Variants in DLG2 observed in about 807,000 individuals in gnomAD.
DLG2 encodes discs large MAGUK scaffold protein 2.
A neutral mutation model predicts 132.5 loss-of-function variants in DLG2; 45 were observed. The observed-to-expected ratio is 0.34, with a 90% CI of 0.27 to 0.44. The LOEUF (loss-of-function observed/expected upper bound fraction) is 0.44, where lower values mean the gene tolerates loss of function less well. Among genes scored for constraint, DLG2 ranks in the 20% least tolerant of loss-of-function variants. DLG2 has a pLI of 1.00. For missense variants in DLG2, 1,045 were observed against 1,196.9 expected, an observed-to-expected ratio of 0.87 and a Z score of 1.87; for synonymous variants, 424 against 419.6, an observed-to-expected ratio of 1.01 and a Z score of -0.13.
At chr11:83,736,463 C>T (rs1172231743) in intron 18 of DLG2, among the ~76,000 whole-genome samples, 2 of 152,026 alleles carry the variant, frequency 1.3e-5, no homozygotes, top group Admixed American at 1.3e-4. Flanking sequence ...GAGAAAGATA[C>T]AGAGATTCTG....
intron 14 of DLG2, among the ~76,000 whole-genome samples, chr11:83,953,046 T>C (rs1386775458): frequency 1.3e-5 from 2 of 152,194 alleles, no homozygotes; most frequent in East Asian, 1.9e-4. Context: ...TACACAGTTA[T>C]AGTTTGCCCC....
intron 14 of DLG2, among the ~76,000 whole-genome samples, chr11:83,953,142 T>C (rs2085898800): frequency 6.6e-6 from 1 of 152,216 alleles, no homozygotes; most frequent in Non-Finnish European, 1.5e-5. Context: ...GATAGTGTCG[T>C]AAGAATGTCT....
chr11:85,259,235 T>A (rs924886253), intron 4 of DLG2, among the ~76,000 whole-genome samples: 1 of 152,074 alleles, frequency 6.6e-6, no homozygotes, highest in Non-Finnish European at 1.5e-5. Flanking sequence ...ATCTGGGTGT[T>A]TGAAAGTGTG....
intron 4 of DLG2, among the ~76,000 whole-genome samples, chr11:85,173,113 T>C (rs2078992465): frequency 6.6e-6 from 1 of 151,916 alleles, no homozygotes; most frequent in South Asian, 2.1e-4. Context: ...ATTCAAAAAA[T>C]CCAGGGAACC....
intron 9 of DLG2, among the ~76,000 whole-genome samples, chr11:84,158,696 C>A (rs2095483275): frequency 1.3e-5 from 2 of 152,122 alleles, no homozygotes; most frequent in East Asian, 3.9e-4. Flanking sequence ...GCTGTAAATG[C>A]ACGTGGCAAA....
intron 21 of DLG2, among the ~76,000 whole-genome samples, chr11:83,507,583 T>C (rs1661561552): frequency 6.9e-6 from 1 of 144,982 alleles, no homozygotes; most frequent in Non-Finnish European, 1.5e-5. Flanking sequence ...TATAGATATC[T>C]ATATAGATAT....
chr11:83,979,023 T>C (rs2092542925), intron 12 of DLG2, among the ~76,000 whole-genome samples: 1 of 152,128 alleles, frequency 6.6e-6, no homozygotes, highest in African/African-American at 2.4e-5. Flanking sequence ...TAAAATGTAC[T>C]GCTGTTAGAA....
chr11:83,916,800 AC>A lies in DLG2; in HGVS notation c.1496+13527del, dbSNP rs2076996498. The stretch of plus-strand genomic sequence containing the variant: ...GCTCTATGATAGGCCATGTTTCTTA[AC>A]ATGAAACATTATGGTAGATTGTGTT... On this transcript the variant is annotated intron_variant, in intron 15 of 27. Coordinates refer to ENST00000376104, the MANE Select transcript of DLG2 (RefSeq NM_001142699.3). 5.9e-5 allele frequency among the ~76,000 whole-genome samples: 9 copies of A among 152,148 alleles called. No individual in the cohort carries two copies. In the South Asian group the frequency reaches 1.9e-3, roughly 31 times the overall value.
intron 4 of DLG2, among the ~76,000 whole-genome samples, chr11:85,226,274 G>A (rs1252108151): frequency 6.7e-6 from 1 of 149,524 alleles, no homozygotes; most frequent in African/African-American, 2.4e-5. Flanking sequence ...ATGGATGGAT[G>A]GATGCATAGA....
At chr11:85,531,321 G>A (rs778261489) in intron 3 of DLG2, among the ~76,000 whole-genome samples, 3 of 152,162 alleles carry the variant, frequency 2.0e-5, no homozygotes, top group Non-Finnish European at 4.4e-5. Flanking sequence ...TAGTACAGGA[G>A]CATGAAGCAA....
At chr11:83,788,615 AGAAGAGACAG>A (rs1271580272) in intron 17 of DLG2, among the ~76,000 whole-genome samples, 1 of 152,264 alleles carries the variant, frequency 6.6e-6, no homozygotes, top group African/African-American at 2.4e-5. Flanking sequence ...TCTGCTGGCC[AGAAGAGACAG>A]GAAAGGTAAT....
chr11:83,471,309 A>G (rs1353594494), intron 24 of DLG2, among the ~76,000 whole-genome samples: 1 of 152,150 alleles, frequency 6.6e-6, no homozygotes, highest in Non-Finnish European at 1.5e-5. Context: ...TGATCAATCT[A>G]TGAAAACATA....
At chr11:83,586,198 G>C (rs1005009714) in intron 19 of DLG2, among the ~76,000 whole-genome samples, 4 of 152,194 alleles carry the variant, frequency 2.6e-5, no homozygotes, top group Non-Finnish European at 4.4e-5. Flanking sequence ...CCCAGGTCAG[G>C]AGCCAGAAAA....
At chr11:85,435,004 A>C (rs1303011294) in intron 3 of DLG2, among the ~76,000 whole-genome samples, 1 of 152,226 alleles carries the variant, frequency 6.6e-6, no homozygotes, top group Non-Finnish European at 1.5e-5. Context: ...CTGGGATGCA[A>C]GGCTGGTTCA....
At chr11:84,977,936 G>A (rs546273104) in intron 6 of DLG2, among the ~76,000 whole-genome samples, 2 of 152,150 alleles carry the variant, frequency 1.3e-5, no homozygotes, top group African/African-American at 4.8e-5. Flanking sequence ...ATAGGTACTG[G>A]AGAATTATGA....
chr11:84,375,637 CTAAAGGTTGCCTTTGGAAGAGCAA>C (rs1331975149), intron 7 of DLG2, among the ~76,000 whole-genome samples: 1 of 151,732 alleles, frequency 6.6e-6, no homozygotes, highest in Non-Finnish European at 1.5e-5. Flanking sequence ...TAGTATTAAC[CTAAAGGTTGCCTTTGGAAGAGCAA>C]CTGGAATATT....
intron 9 of DLG2, among the ~76,000 whole-genome samples, chr11:84,161,156 A>C (rs909999256): frequency 6.6e-6 from 1 of 152,196 alleles, no homozygotes; most frequent in African/African-American, 2.4e-5. Context: ...TGGCTTAACC[A>C]GCGTAAGCTA....
intron 3 of DLG2, among the ~76,000 whole-genome samples, chr11:85,484,284 G>C (rs1164158382): frequency 7.0e-6 from 1 of 141,958 alleles, no homozygotes. Context: ...TCAGGACATA[G>C]GCATGGGCAA....
intron 3 of DLG2, among the ~76,000 whole-genome samples, chr11:85,413,103 T>G (rs1171908818): frequency 6.6e-6 from 1 of 151,976 alleles, no homozygotes; most frequent in Non-Finnish European, 1.5e-5. Flanking sequence ...TTGTGGCCAT[T>G]CTTGCACGAG....
Sources: gnomAD v4.1 joint callset for allele counts (sites outside exome capture counted in the v4.1 genomes callset) on GRCh38, gnomAD v4.1.1 for gene constraint, MANE v1.5 for transcripts, NCBI Gene and HGNC (gene_info 2026-07-23, HGNC 2026-07-21) for gene names.